ASIC2: variants seen among roughly 807,000 people sequenced by gnomAD.
The protein encoded by ASIC2 is acid-sensing ion channel 2.
A neutral mutation model predicts 57.3 loss-of-function variants in ASIC2; 25 were observed. That is an observed-to-expected ratio of 0.44 (90% confidence interval 0.32 to 0.61). ASIC2 has a LOEUF of 0.61. ASIC2 is among the 20% of genes least tolerant of loss of function. The probability of loss-of-function intolerance (pLI) is 0.06; values close to 1 mark genes in which losing one functional copy is unlikely to be tolerated. For missense variants in ASIC2, 641 were observed against 738.1 expected (o/e 0.87, Z 1.52); for synonymous variants, 319 against 307.5 (o/e 1.04, Z -0.39).
intron 1 of ASIC2, among the ~76,000 whole-genome samples, chr17:33,962,606 G>C (rs939651084): frequency 6.6e-6 from 1 of 152,128 alleles, no homozygotes; most frequent in African/African-American, 2.4e-5. Flanking sequence ...ATGTTCGCTT[G>C]TACTGGGGGC....
chr17:34,068,724 G>A lies in ASIC2; in HGVS notation c.555+87254C>T, dbSNP rs560068592. Among the ~76,000 whole-genome samples the A allele has an allele frequency of 1.1e-4, 16 of 152,218 alleles. No individual in the cohort carries two copies. In the South Asian group the frequency reaches 1.9e-3, roughly 18 times the overall value. ...TGTTTCCTGACAGCAGACCTTTAGC[G>A]TTTCAAAATTAAAGACAATGCCTTT... On this transcript the variant is annotated intron_variant, in intron 1 of 9. Transcript: ENST00000359872.
At chr17:34,093,784 G>A (rs1225949842) in intron 1 of ASIC2, among the ~76,000 whole-genome samples, 1 of 152,256 alleles carries the variant, frequency 6.6e-6, no homozygotes, top group Non-Finnish European at 1.5e-5. Context: ...AAGACCACCC[G>A]TCACTTGGTG....
intron 1 of ASIC2, among the ~76,000 whole-genome samples, chr17:33,118,446 C>T (rs879553660): frequency 6.6e-6 from 1 of 152,196 alleles, no homozygotes; most frequent in Non-Finnish European, 1.5e-5. Flanking sequence ...TGAAATCACT[C>T]TTGGCCTAAT....
intron 1 of ASIC2, among the ~76,000 whole-genome samples, chr17:33,784,714 A>G (rs575296055): frequency 2.0e-5 from 3 of 152,282 alleles, no homozygotes; most frequent in African/African-American, 4.8e-5. Flanking sequence ...TTATACCTAT[A>G]GCACTTCTTG....
At chr17:33,987,903 GAAT>G (rs1486352577) in intron 1 of ASIC2, among the ~76,000 whole-genome samples, 8 of 152,162 alleles carry the variant, frequency 5.3e-5, no homozygotes, top group African/African-American at 1.9e-4. Flanking sequence ...GGTATATTCA[GAAT>G]AATAAACAGT....
At chr17:33,760,502 A>G (rs919092018) in intron 1 of ASIC2, among the ~76,000 whole-genome samples, 3 of 151,968 alleles carry the variant, frequency 2.0e-5, no homozygotes, top group African/African-American at 4.8e-5. Context: ...ATAGATATGC[A>G]TATATATAAA....
At chr17:33,210,062 C>A (rs748129318) in intron 1 of ASIC2, among the ~76,000 whole-genome samples, 38 of 152,194 alleles carry the variant, frequency 2.5e-4, no homozygotes, top group Non-Finnish European at 5.0e-4. Flanking sequence ...AATGCCCCCA[C>A]CCACTGGGGG....
chr17:34,086,167 T>C (rs1436982831), intron 1 of ASIC2, among the ~76,000 whole-genome samples: 95 of 139,692 alleles, frequency 6.8e-4, no homozygotes, highest in Admixed American at 8.7e-4. Flanking sequence ...CTTTCTCTTG[T>C]GGGCATTTAG....
At chr17:33,148,881 G>T (rs529309371) in intron 1 of ASIC2, among the ~76,000 whole-genome samples, 1 of 152,144 alleles carries the variant, frequency 6.6e-6, no homozygotes, top group Non-Finnish European at 1.5e-5. Flanking sequence ...ATCATCTGAG[G>T]TCAGGAGTTC....
chr17:33,655,664 G>C (rs185342228), intron 1 of ASIC2, among the ~76,000 whole-genome samples: 1 of 152,190 alleles, frequency 6.6e-6, no homozygotes, highest in African/African-American at 2.4e-5. Context: ...TCAGATCTGA[G>C]TTTGACTCTG....
chr17:33,863,900 G>GTTTTTTTT (rs1031021531), intron 1 of ASIC2, among the ~76,000 whole-genome samples: 2 of 72,492 alleles, frequency 2.8e-5, no homozygotes. Context: ...CTCTTTTTTT[G>GTTTTTTTT]TTTTTTTTTT....
intron 1 of ASIC2, among the ~76,000 whole-genome samples, chr17:33,287,710 C>T (rs1268013880): frequency 6.6e-6 from 1 of 152,174 alleles, no homozygotes; most frequent in Non-Finnish European, 1.5e-5. Context: ...GGTTTCTTTC[C>T]AGACCATGGG....
chr17:33,255,542 A>C (rs1018767280), intron 1 of ASIC2, among the ~76,000 whole-genome samples: 1 of 144,374 alleles, frequency 6.9e-6, no homozygotes, highest in Admixed American at 7.0e-5. Context: ...ATGCTGTGGA[A>C]ATGTTCGCAT....
At chr17:33,856,824 C>T (rs1913968869) in intron 1 of ASIC2, among the ~76,000 whole-genome samples, 1 of 152,048 alleles carries the variant, frequency 6.6e-6, no homozygotes, top group South Asian at 2.1e-4. Context: ...AGTCATGATG[C>T]TTACAGATGG....
intron 1 of ASIC2, among the ~76,000 whole-genome samples, chr17:33,129,073 C>A (rs903891134): frequency 6.6e-6 from 1 of 152,192 alleles, no homozygotes; most frequent in African/African-American, 2.4e-5. Context: ...GATAATGCTG[C>A]AATTTGGTTT....
At chr17:34,007,127 C>CA (rs1439701196) in intron 1 of ASIC2, among the ~76,000 whole-genome samples, 1 of 152,182 alleles carries the variant, frequency 6.6e-6, no homozygotes, top group Non-Finnish European at 1.5e-5. Flanking sequence ...AAGGTAACAG[C>CA]AGCCCAGAGG....
intron 3 of ASIC2, among the ~76,000 whole-genome samples, chr17:33,046,417 T>C (rs570513992): frequency 6.6e-6 from 1 of 152,316 alleles, no homozygotes; most frequent in Admixed American, 6.5e-5. Flanking sequence ...TGGCTTTTGC[T>C]CTATTCAAAA....
intron 1 of ASIC2, among the ~76,000 whole-genome samples, chr17:33,268,010 A>G (rs1412266060): frequency 6.6e-6 from 1 of 152,176 alleles, no homozygotes; most frequent in Non-Finnish European, 1.5e-5. Flanking sequence ...GGGCTTATGA[A>G]TCAAGGGACA....
intron 1 of ASIC2, among the ~76,000 whole-genome samples, chr17:33,747,669 C>T (rs1910309762): frequency 6.6e-6 from 1 of 152,214 alleles, no homozygotes; most frequent in Admixed American, 6.5e-5. Flanking sequence ...TCCCCAACTT[C>T]CATTTTTCTC....
Sources: allele counts gnomAD v4.1 joint callset (sites outside exome capture counted in the v4.1 genomes callset), GRCh38; gene constraint gnomAD v4.1.1; transcripts MANE v1.5; gene names NCBI Gene and HGNC (gene_info 2026-07-23, HGNC 2026-07-21).